UGT1A9: variants seen among roughly 807,000 people sequenced by gnomAD.
UGT1A9 encodes UDP-glucuronosyltransferase 1A9.
A neutral mutation model predicts 45.0 loss-of-function variants in UGT1A9; 35 were observed. That is an observed-to-expected ratio of 0.78 (90% CI 0.59 to 1.03). The LOEUF (loss-of-function observed/expected upper bound fraction) is 1.03. Among genes scored for constraint, UGT1A9 ranks in the 50% least tolerant of loss-of-function variants. UGT1A9 has a pLI of 0.00. For synonymous variants in UGT1A9, 278 were observed against 250.6 expected (o/e 1.11, Z -1.03); for missense variants, 687 against 666.6 (o/e 1.03, Z -0.34).
At chr2:233,713,167 T>C (rs768308601) in intron 1 of UGT1A9, 46 of 1,614,104 alleles carry the variant, frequency 2.8e-5, no homozygotes, top group Non-Finnish European at 1.8e-5. Flanking sequence ...CACCAGGTGG[T>C]GGTCCTCACC....
chr2:233,719,572 A>T (rs2076782519), intron 1 of UGT1A9: 1 of 1,613,740 alleles, frequency 6.2e-7, no homozygotes, highest in Admixed American at 1.7e-5. Context: ...CTTGTCAGCT[A>T]TGCATCCGTG....
chr2:233,743,424 A>G, intron 1 of UGT1A9: 2 of 1,346,302 alleles, frequency 1.5e-6, no homozygotes, highest in South Asian at 2.3e-5. Context: ...CCAGGGAGCC[A>G]AAGGAACGAA....
intron 1 of UGT1A9, chr2:233,682,009 G>A (rs779022802): frequency 2.5e-6 from 4 of 1,614,122 alleles, no homozygotes; most frequent in Non-Finnish European, 3.4e-6. Context: ...GCTTTGCCAA[G>A]GCAGGGAAGC....
In UGT1A9 at chr2:233,760,534, T is replaced by C. The variant is rs56059937; in HGVS notation, c.856-6500T>C. On this transcript the variant is annotated intron_variant, in intron 1 of 4. Coordinates refer to ENST00000354728, the MANE Select transcript of UGT1A9 (RefSeq NM_021027.3). ...CACCTTGAAGACGTACCCTGTGCCA[T>C]TCCAAAGGGAGGATGTGAAAGAGTC... is the stretch of plus-strand genomic sequence containing the variant. 3.7e-6 allele frequency: 6 copies of C among 1,614,240 alleles called. No individual in the cohort carries two copies. Among genetic ancestry groups the C allele is most frequent in the South Asian group, 3.3e-5 (3 of 91,088 alleles).
intron 1 of UGT1A9, chr2:233,755,344 A>T (rs1575735285): frequency 1.5e-5 from 6 of 413,752 alleles, no homozygotes; most frequent in Non-Finnish European, 2.1e-5. Context: ...CACAGGTCAG[A>T]GGCTTGGCGA....
At chr2:233,672,941 G>A (rs4663871) in intron 1 of UGT1A9, 152 bp downstream of exon 1, 294,185 of 1,390,360 alleles carry the variant, frequency 0.21, 32,100 homozygotes, top group Non-Finnish European at 0.23. Flanking sequence ...GCGTGTACTC[G>A]TCAGTAGCAA....
rs762748984 is a variant in UGT1A9 at position 233,755,099 on chromosome 2, C to T, written c.856-11935C>T. On this transcript the variant is annotated intron_variant, in intron 1 of 4. Transcript: ENST00000354728. ...CATAGATATCGCGTTTCTACGCGTCCGACAACACCTCGTAGGCCTCAGCCA... is the reference window on the plus strand; with the variant it reads ...CATAGATATCGCGTTTCTACGCGTCTGACAACACCTCGTAGGCCTCAGCCA... The T allele has an allele frequency of 6.0e-6, 8 of 1,334,956 alleles. 1 individual carries two copies. In the South Asian group the frequency reaches 8.0e-5, roughly 13 times the overall value. The allele number at this position is 1,334,956 out of a possible 1,614,324, so 82.7% of individuals were successfully genotyped here.
chr2:233,681,853 G>A, intron 1 of UGT1A9: 1 of 1,520,452 alleles, frequency 6.6e-7, no homozygotes, highest in Non-Finnish European at 8.8e-7. Flanking sequence ...CTTCTTTTGA[G>A]GGCAGGTTCT....
In UGT1A9 at chr2:233,772,754, T is replaced by G; in HGVS notation, c.*195T>G. ...GCTAGTCAGTAAAGATATTTGAATA[T>G]GTATCGTGCCCCCTCTGGTGTCTTT... On this transcript the variant is annotated 3_prime_UTR_variant, in exon 5 of 5. Transcript: ENST00000354728. 1 of 1,409,478 alleles carries G rather than the reference T, an allele frequency of 7.1e-7. No homozygotes were observed. Among genetic ancestry groups the G allele is most frequent in the South Asian group, 1.5e-5 (1 of 66,636 alleles). 87.3% of individuals were successfully genotyped at this position (1,409,478 alleles called of 1,614,324 possible). A position where few individuals can be genotyped will look rare whatever the true frequency, so the allele number is the denominator to read the frequency against.
At chr2:233,719,288 C>T (rs1377929252) in intron 1 of UGT1A9, 12 of 1,613,978 alleles carry the variant, frequency 7.4e-6, no homozygotes, top group Non-Finnish European at 1.0e-5. Flanking sequence ...CCGTTAACCT[C>T]TGTGGGGCGG....
At chr2:233,703,162 A>G (rs886664238) in intron 1 of UGT1A9, among the ~76,000 whole-genome samples, 3 of 152,012 alleles carry the variant, frequency 2.0e-5, no homozygotes, top group African/African-American at 7.3e-5. Flanking sequence ...TTTCTTCTTG[A>G]TTCAATTTCA....
chr2:233,721,185 A>G (rs759923829), intron 1 of UGT1A9, among the ~76,000 whole-genome samples: 2 of 152,206 alleles, frequency 1.3e-5, no homozygotes, highest in Non-Finnish European at 2.9e-5. Flanking sequence ...TCAAACCACA[A>G]GATATTTGTT....
At position 233,743,563 on chromosome 2, in the gene UGT1A9, C is replaced by T. The variant is rs546286371; in HGVS notation, c.856-23471C>T. 46 of 1,367,298 alleles carry T rather than the reference C, an allele frequency of 3.4e-5. 1 individual carries two copies. Among genetic ancestry groups the T allele is most frequent in the Admixed American group, 5.7e-5 (3 of 52,582 alleles). 84.7% of individuals were successfully genotyped at this position (1,367,298 alleles called of 1,614,324 possible). A position where few individuals can be genotyped will look rare whatever the true frequency, so the allele number is the denominator to read the frequency against. On this transcript the variant is annotated intron_variant, in intron 1 of 4. Transcript: ENST00000354728. The stretch of plus-strand genomic sequence containing the variant: ...CTGACCCCCCCAAAATATTCTCCAG[C>T]GGGTTTCCCAAGAGGTCAAAGGAGA...
intron 1 of UGT1A9, chr2:233,717,647 G>A (rs2076594921): frequency 1.2e-5 from 5 of 402,786 alleles, no homozygotes; most frequent in Admixed American, 5.2e-5. Context: ...GGGCGACCAG[G>A]ACAAGGAAGC....
At chr2:233,744,436 C>G (rs183534266) in intron 1 of UGT1A9, among the ~76,000 whole-genome samples, 10 of 151,926 alleles carry the variant, frequency 6.6e-5, no homozygotes. Context: ...ATCTATCATA[C>G]GTACTGCATT....
rs144094855 is a variant in UGT1A9 at position 233,720,325 on chromosome 2, G to A, written c.856-46709G>A. On this transcript the variant is annotated intron_variant, in intron 1 of 4. Coordinates refer to ENST00000354728, the MANE Select transcript of UGT1A9 (RefSeq NM_021027.3). ...GTCTGGTGTATGATGTGGGGACATC[G>A]TAGAGTTTGGAAGGTATGGTGATGG... Among the ~76,000 whole-genome samples the A allele has an allele frequency of 7.7e-4, 117 of 152,214 alleles. 2 individuals are homozygous for A. The highest frequency in any genetic ancestry group is 2.4e-3 in the African/African-American group (101 of 41,542).
intron 1 of UGT1A9, chr2:233,691,202 G>T: frequency 2.0e-6 from 2 of 985,608 alleles, no homozygotes; most frequent in Non-Finnish European, 2.4e-6. Flanking sequence ...CCTGAGCTCT[G>T]TTCCCTTTGC....
chr2:233,754,785 C>T, intron 1 of UGT1A9: 1 of 1,177,776 alleles, frequency 8.5e-7, no homozygotes, highest in Non-Finnish European at 1.2e-6. Context: ...GCCAAAGGAA[C>T]GAAATCCTGT....
chr2:233,690,468 A>G lies in UGT1A9; in HGVS notation c.855+17679A>G. ...CTATTCAAAATGCCAGCTATCCTCC[A>G]TTTACTTTTTGGGAAATCTGCTCTT... On this transcript the variant is annotated intron_variant, in intron 1 of 4. Transcript: ENST00000354728. 3 of 1,289,048 alleles carry G rather than the reference A, an allele frequency of 2.3e-6. No individual in the cohort carries two copies. The South Asian group carries it at 3.7e-5, about 16-fold the overall frequency. 79.9% of individuals were successfully genotyped at this position (1,289,048 alleles called of 1,614,324 possible).
Sources: allele counts gnomAD v4.1 joint callset (sites outside exome capture counted in the v4.1 genomes callset), GRCh38; gene constraint gnomAD v4.1.1; transcripts MANE v1.5; gene names NCBI Gene and HGNC (gene_info 2026-07-23, HGNC 2026-07-21).